CPEB3: variants seen among roughly 807,000 people sequenced by gnomAD.
CPEB3 encodes the protein cytoplasmic polyadenylation element binding protein 3, also known as cytoplasmic polyadenylation element-binding protein 3.
A neutral mutation model predicts 67.2 loss-of-function variants in CPEB3; 20 were observed. The observed-to-expected ratio is 0.30, with a 90% CI of 0.21 to 0.43. The LOEUF (loss-of-function observed/expected upper bound fraction) is 0.43, where lower values mean the gene tolerates loss of function less well. Among genes scored for constraint, CPEB3 ranks in the 20% least tolerant of loss-of-function variants. CPEB3 has a pLI of 1.00. For synonymous variants in CPEB3, 376 were observed against 393.1 expected (o/e 0.96, Z 0.51); for missense variants, 746 against 968.6 (o/e 0.77, Z 3.05).
chr10:92,160,895 GGTTT>G (rs1269120300), intron 4 of CPEB3, among the ~76,000 whole-genome samples: 1 of 152,126 alleles, frequency 6.6e-6, no homozygotes, highest in African/African-American at 2.4e-5. Context: ...GAGTTTTGTT[GGTTT>G]GTTTTTTTGA....
chr10:92,094,481 G>A (rs890837113), intron 7 of CPEB3, among the ~76,000 whole-genome samples: 1 of 151,796 alleles, frequency 6.6e-6, no homozygotes, highest in Admixed American at 6.6e-5. Context: ...GGGCGCCTGT[G>A]GTCCCAGCTA....
rs1843491311 is a variant in CPEB3 at position 92,088,862 on chromosome 10, G to A, written c.1687+2968C>T. Among the ~76,000 whole-genome samples, 4 of 152,206 alleles carry A rather than the reference G, an allele frequency of 2.6e-5. No individual in the cohort carries two copies. The South Asian group carries it at 8.3e-4, about 32-fold the overall frequency. ...AATTCCATAACTAGAATATCCCTTG[G>A]AAATAATAAAAAATGCTCTAAAGCA... On this transcript the variant is annotated intron_variant, in intron 8 of 9. Transcript: ENST00000265997.
At chr10:92,056,412 G>GA (rs551650338) in intron 9 of CPEB3, among the ~76,000 whole-genome samples, 129 of 152,198 alleles carry the variant, frequency 8.5e-4, no homozygotes, top group Admixed American at 4.4e-3. Flanking sequence ...TATCTACACA[G>GA]AAAAAAATAC....
At chr10:92,181,370 A>C (rs1848454638) in intron 3 of CPEB3, among the ~76,000 whole-genome samples, 2 of 124,394 alleles carry the variant, frequency 1.6e-5, no homozygotes, top group Admixed American at 1.8e-4. Flanking sequence ...CAAGCAGCAA[A>C]AAAAAAAAAA....
intron 7 of CPEB3, among the ~76,000 whole-genome samples, chr10:92,108,515 A>G (rs1300518953): frequency 2.6e-5 from 4 of 152,196 alleles, no homozygotes; most frequent in African/African-American, 9.7e-5. Context: ...GAGCCAAAAG[A>G]GTAGAACCCA....
At chr10:92,073,784 G>A (rs1039717517) in intron 9 of CPEB3, among the ~76,000 whole-genome samples, 4 of 151,958 alleles carry the variant, frequency 2.6e-5, no homozygotes, top group Non-Finnish European at 2.9e-5. Context: ...CAGGAAGGGC[G>A]TCCAAAAAAG....
chr10:92,156,983 T>C (rs1167116035), intron 4 of CPEB3, among the ~76,000 whole-genome samples: 1 of 152,224 alleles, frequency 6.6e-6, no homozygotes, highest in South Asian at 2.1e-4. Context: ...CATTATCTTC[T>C]CTTCATGACT....
chr10:92,167,608 T>C (rs1847805272), intron 4 of CPEB3, among the ~76,000 whole-genome samples: 1 of 152,108 alleles, frequency 6.6e-6, no homozygotes, highest in East Asian at 1.9e-4. Context: ...CCCAAAACTA[T>C]TACAATAGTT....
intron 4 of CPEB3, among the ~76,000 whole-genome samples, chr10:92,168,583 T>C (rs972448039): frequency 1.3e-5 from 2 of 152,088 alleles, no homozygotes; most frequent in African/African-American, 2.4e-5. Flanking sequence ...ATGGGATTGG[T>C]TACCCCCATG....
At chr10:92,165,403 C>CTTTTTTTTTTTT (rs34205234) in intron 4 of CPEB3, among the ~76,000 whole-genome samples, 5 of 121,474 alleles carry the variant, frequency 4.1e-5, no homozygotes, top group African/African-American at 6.2e-5. Flanking sequence ...CTTTTTTCTT[C>CTTTTTTTTTTTT]TTTTTTTTTT....
chr10:92,145,193 GAGA>G (rs1199997821), intron 4 of CPEB3, 108 bp from the exon 5 acceptor site: 3 of 1,250,002 alleles, frequency 2.4e-6, no homozygotes, highest in Non-Finnish European at 3.4e-6. Context: ...GAAGTGCAGA[GAGA>G]AGCATACAAA....
intron 6 of CPEB3, chr10:92,137,605 A>C: frequency 3.0e-6 from 2 of 676,702 alleles, no homozygotes; most frequent in Non-Finnish European, 2.7e-6. Context: ...ATTCTACATC[A>C]ATGTGGAACA....
intron 6 of CPEB3, among the ~76,000 whole-genome samples, chr10:92,133,583 G>C (rs1054388272): frequency 6.6e-6 from 1 of 152,044 alleles, no homozygotes; most frequent in Non-Finnish European, 1.5e-5. Flanking sequence ...TTCTACCAGA[G>C]GTACAAAGAA....
intron 2 of CPEB3, among the ~76,000 whole-genome samples, chr10:92,213,303 G>C (rs1311139804): frequency 6.6e-6 from 1 of 152,212 alleles, no homozygotes; most frequent in Non-Finnish European, 1.5e-5. Flanking sequence ...GATTTCCCTA[G>C]TGGTGTTTAC....
chr10:92,239,997 C>G lies in CPEB3; in HGVS notation c.354G>C (p.Ala118=). The G allele has an allele frequency of 6.2e-7, 1 of 1,611,248 alleles. No individual in the cohort carries two copies. Among genetic ancestry groups the G allele is most frequent in the South Asian group, 1.1e-5 (1 of 90,480 alleles). Residue 118 remains alanine, a synonymous_variant, in exon 2 of 10, where the codon GCG becomes GCC. Transcript: ENST00000265997. The surrounding 1 kb of genome is among the most constrained non-coding windows in gnomAD (Gnocchi z 6.0). ...GSTWSTGTTN[A]VEDSFFQGIT... Reference sequence around the variant, plus strand: ...TCCCCTGGAAGAAGCTGTCCTCTACCGCGTTGGTGGTGCCCGTGGACCAGG... The same window carrying G: ...TCCCCTGGAAGAAGCTGTCCTCTACGGCGTTGGTGGTGCCCGTGGACCAGG...
intron 9 of CPEB3, among the ~76,000 whole-genome samples, chr10:92,080,336 A>G (rs1480964728): frequency 6.6e-6 from 1 of 152,186 alleles, no homozygotes; most frequent in African/African-American, 2.4e-5. Context: ...CTGGGATTCA[A>G]GGAATTTAAA....
chr10:92,170,169 C>A (rs529754258), intron 4 of CPEB3, among the ~76,000 whole-genome samples: 97 of 152,300 alleles, frequency 6.4e-4, no homozygotes, highest in Middle Eastern at 3.4e-3. Flanking sequence ...CTCTATTATT[C>A]TTCTTCCTGT....
chr10:92,156,279 A>G (rs1847205693), intron 4 of CPEB3, among the ~76,000 whole-genome samples: 1 of 152,166 alleles, frequency 6.6e-6, no homozygotes, highest in Non-Finnish European at 1.5e-5. Flanking sequence ...CTGTATGGCC[A>G]GAGAGTGGGA....
chr10:92,155,187 C>T (rs564835376), intron 4 of CPEB3, among the ~76,000 whole-genome samples: 6 of 152,148 alleles, frequency 3.9e-5, no homozygotes, highest in Non-Finnish European at 4.4e-5. Flanking sequence ...CCAGCCTGGG[C>T]GACAAAGTGA....
Sources: gnomAD v4.1 joint callset for allele counts (sites outside exome capture counted in the v4.1 genomes callset) on GRCh38, gnomAD v4.1.1 for gene constraint, Gnocchi (gnomAD v3.1) non-coding constraint, MANE v1.5 for transcripts, NCBI Gene and HGNC (gene_info 2026-07-23, HGNC 2026-07-21) for gene names.